SHISA9: variants seen among roughly 807,000 people sequenced by gnomAD.
SHISA9 encodes the protein shisa family member 9.
A neutral mutation model predicts 38.0 loss-of-function variants in SHISA9; 13 were observed. That is an observed-to-expected ratio of 0.34 (90% CI 0.22 to 0.54). The LOEUF (loss-of-function observed/expected upper bound fraction) is 0.54. SHISA9 is among the 20% of genes least tolerant of loss of function. The pLI, the probability that SHISA9 is intolerant of heterozygous loss-of-function variation, is 0.91. For synonymous variants in SHISA9, 275 were observed against 242.0 expected (o/e 1.14, Z -1.27); for missense variants, 538 against 575.8 (o/e 0.93, Z 0.67).
intron 1 of SHISA9, among the ~76,000 whole-genome samples, chr16:12,911,940 T>C (rs1266087167): frequency 1.3e-5 from 2 of 152,210 alleles, no homozygotes; most frequent in Non-Finnish European, 2.9e-5. Flanking sequence ...CACAATTACT[T>C]TTACCCCAAG....
chr16:13,434,542 C>G, the SHISA9 span, among the ~76,000 whole-genome samples: 1 of 151,164 alleles, frequency 6.6e-6, no homozygotes, highest in African/African-American at 2.4e-5. Flanking sequence ...CTCAGCCTCC[C>G]GAGTAGCTGG....
At chr16:13,383,558 T>C in the SHISA9 span, among the ~76,000 whole-genome samples, 1,716 of 152,294 alleles carry the variant, frequency 0.011, 29 homozygotes, top group African/African-American at 0.038. Flanking sequence ...GTCCTTTGAA[T>C]ATTGGACCTG....
At chr16:13,545,488 C>G in the SHISA9 span, among the ~76,000 whole-genome samples, 1 of 152,144 alleles carries the variant, frequency 6.6e-6, no homozygotes, top group Non-Finnish European at 1.5e-5. Context: ...GGCTGTTGCC[C>G]CTGGCAACAG....
At chr16:13,544,429 G>GTTTTTTTT in the SHISA9 span, among the ~76,000 whole-genome samples, 2 of 102,116 alleles carry the variant, frequency 2.0e-5, no homozygotes, top group African/African-American at 8.1e-5. Flanking sequence ...TTTTTTTCTT[G>GTTTTTTTT]TTTTTTTTTT....
At chr16:12,939,241 G>A (rs1268678640) in intron 2 of SHISA9, among the ~76,000 whole-genome samples, 6 of 151,956 alleles carry the variant, frequency 3.9e-5, no homozygotes, top group African/African-American at 9.7e-5. Flanking sequence ...TCACCACCAC[G>A]CCTGGCTAAT....
chr16:13,089,016 A>T (rs1025462429), intron 2 of SHISA9, among the ~76,000 whole-genome samples: 1 of 152,202 alleles, frequency 6.6e-6, no homozygotes, highest in African/African-American at 2.4e-5. Flanking sequence ...AGATTTTAGC[A>T]TGAAGGACTT....
intron 2 of SHISA9, among the ~76,000 whole-genome samples, chr16:13,132,975 C>T (rs1258697460): frequency 1.3e-5 from 2 of 152,136 alleles, no homozygotes; most frequent in Non-Finnish European, 2.9e-5. Flanking sequence ...GAAAGAGTCA[C>T]CCAGGTCTGA....
chr16:13,070,726 A>C (rs1008718638), intron 2 of SHISA9, among the ~76,000 whole-genome samples: 1 of 152,188 alleles, frequency 6.6e-6, no homozygotes, highest in Non-Finnish European at 1.5e-5. Flanking sequence ...AAACCTATGC[A>C]GTTGGTGTTA....
At chr16:13,481,104 G>A in the SHISA9 span, among the ~76,000 whole-genome samples, 2 of 152,296 alleles carry the variant, frequency 1.3e-5, no homozygotes, top group Non-Finnish European at 2.9e-5. Context: ...CTGACCAACC[G>A]CTTTTGCTAA....
At chr16:13,118,574 A>T (rs1029068242) in intron 2 of SHISA9, among the ~76,000 whole-genome samples, 1 of 152,116 alleles carries the variant, frequency 6.6e-6, no homozygotes, top group African/African-American at 2.4e-5. Context: ...GAAGAAAAAC[A>T]GATTTTGAGT....
the SHISA9 span, among the ~76,000 whole-genome samples, chr16:13,367,619 A>G: frequency 1.2e-3 from 169 of 143,382 alleles, no homozygotes; most frequent in African/African-American, 4.2e-3. Context: ...CTTAACTCCT[A>G]ATCCTAACAC....
the SHISA9 span, among the ~76,000 whole-genome samples, chr16:13,285,471 T>TG: frequency 1.3e-5 from 2 of 149,102 alleles, no homozygotes; most frequent in South Asian, 2.1e-4. Flanking sequence ...AGTTTTTTTT[T>TG]TTTTTTTTTT....
intron 2 of SHISA9, among the ~76,000 whole-genome samples, chr16:13,086,077 G>C (rs1388529512): frequency 6.6e-6 from 1 of 152,100 alleles, no homozygotes; most frequent in South Asian, 2.1e-4. Flanking sequence ...ATTGTCATTG[G>C]CCTGTCACAG....
At chr16:13,134,625 G>A (rs373872154) in intron 2 of SHISA9, among the ~76,000 whole-genome samples, 1 of 152,142 alleles carries the variant, frequency 6.6e-6, no homozygotes, top group Non-Finnish European at 1.5e-5. Flanking sequence ...GGTGGGAGAC[G>A]AGGCTGGAGA....
intron 2 of SHISA9, among the ~76,000 whole-genome samples, chr16:13,053,563 A>G (rs2073276856): frequency 6.6e-6 from 1 of 152,304 alleles, no homozygotes; most frequent in Admixed American, 6.5e-5. Flanking sequence ...ATGGATTAAA[A>G]TCTGGACTCT....
intron 3 of SHISA9, among the ~76,000 whole-genome samples, chr16:13,212,261 C>G (rs1265127824): frequency 6.6e-6 from 1 of 152,134 alleles, no homozygotes; most frequent in Non-Finnish European, 1.5e-5. Context: ...TAGGACCACA[C>G]GCTGATTGGC....
At chr16:13,485,202 C>T in the SHISA9 span, among the ~76,000 whole-genome samples, 1 of 152,048 alleles carries the variant, frequency 6.6e-6, no homozygotes, top group African/African-American at 2.4e-5. Context: ...GCCCCGCACC[C>T]CCCGACAGGC....
At chr16:13,459,946 C>T in the SHISA9 span, among the ~76,000 whole-genome samples, 12 of 152,242 alleles carry the variant, frequency 7.9e-5, no homozygotes, top group Admixed American at 1.3e-4. Flanking sequence ...CTCACACTGT[C>T]GCCTAGGCTA....
the SHISA9 span, among the ~76,000 whole-genome samples, chr16:13,434,418 TG>T: frequency 8.0e-6 from 1 of 124,878 alleles, no homozygotes; most frequent in Non-Finnish European, 1.7e-5. Flanking sequence ...AGACAAGCTA[TG>T]TTTTTTTTTT....
Sources: gnomAD v4.1 joint callset for allele counts (sites outside exome capture counted in the v4.1 genomes callset) on GRCh38, gnomAD v4.1.1 for gene constraint, MANE v1.5 for transcripts, NCBI Gene and HGNC (gene_info 2026-07-23, HGNC 2026-07-21) for gene names.